Variants in GYPE observed in about 807,000 individuals in gnomAD.
The protein encoded by GYPE is glycophorin-E.
Under a neutral mutation model 11.6 loss-of-function variants are expected in GYPE, and 8 were observed. The observed-to-expected ratio is 0.69, with a 90% CI of 0.41 to 1.25. The LOEUF is 1.25. Ranked by LOEUF, GYPE falls within the 50% of genes most tolerant of loss-of-function variation. The pLI is 0.01. For missense variants in GYPE, 90 were observed against 92.8 expected, an observed-to-expected ratio of 0.97 and a Z score of 0.12; for synonymous variants, 28 against 29.6, an observed-to-expected ratio of 0.94 and a Z score of 0.18.
rs185190317 is a variant in GYPE, at chr4:143,891,477, C to T, written c.38-10968G>A. Among the ~76,000 whole-genome samples, 454 of 151,276 alleles carry T rather than the reference C, an allele frequency of 3.0e-3. 2 individuals carry two copies. Among genetic ancestry groups the T allele is most frequent in the African/African-American group, 0.011 (438 of 41,156 alleles). ...CCAAGTAGCTGGGACTACAGGTGCC[C>T]GCCACCAAGCCTGACTAATTTTTTG... On this transcript the variant is annotated intron_variant, in intron 1 of 3. Transcript: ENST00000358615.
chr4:143,872,839 G>A (rs1277538628), intron 3 of GYPE, among the ~76,000 whole-genome samples: 1 of 150,832 alleles, frequency 6.6e-6, no homozygotes, highest in African/African-American at 2.5e-5. Flanking sequence ...TTGGGGAAAA[G>A]TTCAGTGGTT....
At chr4:143,873,832 G>T (rs71612437) in intron 3 of GYPE, among the ~76,000 whole-genome samples, 2 of 151,704 alleles carry the variant, frequency 1.3e-5, no homozygotes, top group Non-Finnish European at 2.9e-5. Context: ...CCACTCAAAA[G>T]ATCTCCAGTT....
At chr4:143,903,368 CA>C (rs1744936663) in intron 1 of GYPE, among the ~76,000 whole-genome samples, 2 of 151,558 alleles carry the variant, frequency 1.3e-5, no homozygotes, top group African/African-American at 4.9e-5. Context: ...ACTGAATCAT[CA>C]AATGAGTGCA....
intron 1 of GYPE, among the ~76,000 whole-genome samples, chr4:143,885,537 T>C (rs1744198758): frequency 6.6e-6 from 1 of 152,108 alleles, no homozygotes; most frequent in East Asian, 1.9e-4. Flanking sequence ...TGTACTCAAG[T>C]ATACAAAGCT....
chr4:143,873,098 G>T (rs1313894162), intron 3 of GYPE, among the ~76,000 whole-genome samples: 1 of 152,154 alleles, frequency 6.6e-6, no homozygotes, highest in Non-Finnish European at 1.5e-5. Context: ...CTGTGGGGCT[G>T]TTACTATATT....
rs572640768 is a variant in GYPE at position 143,875,339 on chromosome 4, A to C, written c.*9+1407T>G. On this transcript the variant is annotated intron_variant, in intron 3 of 3. Transcript: ENST00000358615. ...ATAATTTGTATTTTGTTTTATTTTT[A>C]TTTAGAAGTAGAGAATACAGTAATA... The C allele has an allele frequency of 8.7e-6, 7 of 804,460 alleles. No homozygotes were observed. In the East Asian group the frequency reaches 1.9e-4, roughly 22 times the overall value. 49.8% of individuals were successfully genotyped at this position (804,460 alleles called of 1,614,324 possible). A position where few individuals can be genotyped will look rare whatever the true frequency, so the allele number is the denominator to read the frequency against.
chr4:143,890,584 T>C (rs1288869222), intron 1 of GYPE, among the ~76,000 whole-genome samples: 2 of 152,254 alleles, frequency 1.3e-5, no homozygotes, highest in Non-Finnish European at 2.9e-5. Context: ...CATTGGATTC[T>C]GATGTGCGGC....
chr4:143,889,535 G>T (rs1160692173), intron 1 of GYPE, among the ~76,000 whole-genome samples: 1 of 152,132 alleles, frequency 6.6e-6, no homozygotes, highest in Non-Finnish European at 1.5e-5. Flanking sequence ...TTTAAAAAAA[G>T]TTTTGCTTTT....
chr4:143,898,716 T>G (rs1744752167), intron 1 of GYPE, among the ~76,000 whole-genome samples: 1 of 152,190 alleles, frequency 6.6e-6, no homozygotes, highest in South Asian at 2.1e-4. Flanking sequence ...TTTATATGAT[T>G]TTTTGCTAAC....
At chr4:143,876,326 C>T (rs1287265549) in intron 3 of GYPE, among the ~76,000 whole-genome samples, 1 of 152,076 alleles carries the variant, frequency 6.6e-6, no homozygotes, top group Non-Finnish European at 1.5e-5. Context: ...TTTGCTCAGG[C>T]TGGTCTCAAA....
intron 1 of GYPE, among the ~76,000 whole-genome samples, chr4:143,892,423 T>C (rs1744444640): frequency 1.3e-5 from 2 of 151,432 alleles, no homozygotes; most frequent in East Asian, 3.9e-4. Flanking sequence ...TTTGGATCTT[T>C]CCTGCTTTCT....
chr4:143,891,983 T>C (rs1005332325), intron 1 of GYPE, among the ~76,000 whole-genome samples: 1 of 152,204 alleles, frequency 6.6e-6, no homozygotes, highest in South Asian at 2.1e-4. Flanking sequence ...TGCCACAATT[T>C]CAGAGCCTGT....
At chr4:143,876,418 T>G (rs1280170296) in intron 3 of GYPE, among the ~76,000 whole-genome samples, 2 of 152,220 alleles carry the variant, frequency 1.3e-5, no homozygotes, top group Non-Finnish European at 2.9e-5. Context: ...AAACATTTTA[T>G]TCACTAATAG....
chr4:143,872,583 G>C (rs1171980459), intron 3 of GYPE, among the ~76,000 whole-genome samples: 2 of 152,004 alleles, frequency 1.3e-5, no homozygotes, highest in African/African-American at 4.8e-5. Flanking sequence ...GCTTTGCGTT[G>C]GGTAGGCAGG....
intron 1 of GYPE, among the ~76,000 whole-genome samples, chr4:143,896,347 G>T (rs1218432902): frequency 2.0e-5 from 3 of 152,152 alleles, no homozygotes; most frequent in African/African-American, 7.2e-5. Flanking sequence ...AGTGGGCAAA[G>T]GATATGAACA....
chr4:143,903,956 T>C (rs369993508), intron 1 of GYPE, among the ~76,000 whole-genome samples: 47 of 152,310 alleles, frequency 3.1e-4, no homozygotes, highest in African/African-American at 1.1e-3. Flanking sequence ...GTTTGCCCCA[T>C]GGAGCAACAC....
chr4:143,877,646 TA>T (rs1193223389), intron 2 of GYPE, among the ~76,000 whole-genome samples: 6 of 152,164 alleles, frequency 3.9e-5, no homozygotes, highest in African/African-American at 1.4e-4. Flanking sequence ...CTATTATTGA[TA>T]AAAAGTGAAA....
At chr4:143,897,071 T>C (rs1436665492) in intron 1 of GYPE, among the ~76,000 whole-genome samples, 1 of 152,080 alleles carries the variant, frequency 6.6e-6, no homozygotes, top group East Asian at 1.9e-4. Context: ...GACGAGTTAA[T>C]GGGTGCAGCA....
At chr4:143,879,822 CT>C (rs1229370019) in intron 2 of GYPE, among the ~76,000 whole-genome samples, 1 of 152,146 alleles carries the variant, frequency 6.6e-6, no homozygotes, top group Non-Finnish European at 1.5e-5. Flanking sequence ...ATTTCTTCTT[CT>C]CCCCTGAAAA....
Sources: gnomAD v4.1 joint callset for allele counts (sites outside exome capture counted in the v4.1 genomes callset) on GRCh38, gnomAD v4.1.1 for gene constraint, MANE v1.5 for transcripts, NCBI Gene and HGNC (gene_info 2026-07-23, HGNC 2026-07-21) for gene names.